BOC: variants seen among roughly 807,000 people sequenced by gnomAD.
The protein encoded by BOC is brother of CDO.
A neutral mutation model predicts 112.0 loss-of-function variants in BOC; 76 were observed. The observed-to-expected ratio is 0.68, with a 90% confidence interval of 0.56 to 0.82. BOC has a LOEUF of 0.82. Ranked by LOEUF, BOC falls within the 40% of genes least tolerant of loss-of-function variation. The pLI, the probability that BOC is intolerant of heterozygous loss-of-function variation, is 0.00. For missense variants in BOC, 1,309 were observed against 1,511.7 expected (o/e 0.87, Z 2.22); for synonymous variants, 580 against 599.8 (o/e 0.97, Z 0.48).
At chr3:113,266,943 T>C (rs1356050035) in intron 4 of BOC, among the ~76,000 whole-genome samples, 1 of 152,164 alleles carries the variant, frequency 6.6e-6, no homozygotes, top group Admixed American at 6.5e-5. Context: ...CCAGTTTGTT[T>C]TTGGTCATTA....
intron 2 of BOC, among the ~76,000 whole-genome samples, chr3:113,248,852 G>A (rs1945261519): frequency 6.6e-6 from 1 of 152,136 alleles, no homozygotes; most frequent in Non-Finnish European, 1.5e-5. Flanking sequence ...GGTGCAGTGT[G>A]GTCTGAGCCT....
chr3:113,229,497 AG>A (rs1942253695), intron 2 of BOC, among the ~76,000 whole-genome samples: 1 of 152,232 alleles, frequency 6.6e-6, no homozygotes, highest in African/African-American at 2.4e-5. Context: ...ACTATGGCTC[AG>A]GGACCTGTTT....
intron 2 of BOC, among the ~76,000 whole-genome samples, chr3:113,222,661 T>A (rs1392753382): frequency 6.6e-6 from 1 of 152,210 alleles, no homozygotes; most frequent in Non-Finnish European, 1.5e-5. Context: ...GTTGAACGTC[T>A]GCTTTGTGCA....
rs1221141056 is a variant in BOC at position 113,211,910 on chromosome 3, G to A, written c.-276G>A. ...CGTGTTGTGTGTCCCCGGTGTCACC[G>A]AGCGTGTTGTGTGTCCGTGCGGCGC... On this transcript the variant is annotated 5_prime_UTR_variant, in exon 1 of 20. Transcript: ENST00000682979. 1 of 152,100 alleles carries A rather than the reference G, an allele frequency of 6.6e-6. No homozygotes were observed. The highest frequency in any genetic ancestry group is 1.5e-5 in the Non-Finnish European group (1 of 68,030). 9.4% of individuals were successfully genotyped at this position (152,100 alleles called of 1,614,324 possible).
In BOC at chr3:113,274,838, AT is replaced by A. The variant is rs1309158627; in HGVS notation, c.1542+157del. 6.6e-6 allele frequency among the ~76,000 whole-genome samples: 1 copy of A among 152,110 alleles called. No individual in the cohort carries two copies. Among genetic ancestry groups the A allele is most frequent in the Non-Finnish European group, 1.5e-5 (1 of 68,002 alleles). ...GGCCCTTCTGTCTCCTCCAGTGTCC[AT>A]CCCTGCCACCTCCCAGGAAGCTGGT... is the stretch of plus-strand genomic sequence containing the variant. On this transcript the variant is annotated intron_variant, in intron 9 of 19. Coordinates refer to ENST00000682979, the MANE Select transcript of BOC (RefSeq NM_001378074.1). The surrounding 1 kb of genome is among the most constrained non-coding windows in gnomAD (Gnocchi z 4.8).
At chr3:113,286,571 C>T (rs1949718347) in intron 19 of BOC, 104 bp from the exon 20 acceptor site, 2 of 1,054,292 alleles carry the variant, frequency 1.9e-6, no homozygotes, top group Non-Finnish European at 2.7e-6. Context: ...TTTCCAGAGC[C>T]AGTGTAACCA....
rs573020611 is a variant in BOC, at chr3:113,243,881, A to C, written c.-81-5841A>C. ...TCAGTGAAAGTATTAAAGAATGCTA[A>C]AGTTGTTACAGGAGAATAATCACAA... On this transcript the variant is annotated intron_variant, in intron 2 of 19. Transcript: ENST00000682979. 9.2e-5 allele frequency among the ~76,000 whole-genome samples: 14 copies of C among 152,366 alleles called. No homozygotes were observed. In the South Asian group the frequency reaches 1.7e-3, roughly 18 times the overall value.
At chr3:113,237,214 G>A (rs1943682137) in intron 2 of BOC, among the ~76,000 whole-genome samples, 2 of 152,196 alleles carry the variant, frequency 1.3e-5, no homozygotes, top group African/African-American at 2.4e-5. Context: ...AAGATTAAAA[G>A]TGTTGGTGGA....
chr3:113,248,598 AT>A (rs1945230153), intron 2 of BOC, among the ~76,000 whole-genome samples: 1 of 152,162 alleles, frequency 6.6e-6, no homozygotes, highest in South Asian at 2.1e-4. Context: ...TTGATACCCC[AT>A]CCTTATTTGT....
At chr3:113,234,125 A>T (rs966456048) in intron 2 of BOC, among the ~76,000 whole-genome samples, 1 of 152,228 alleles carries the variant, frequency 6.6e-6, no homozygotes, top group African/African-American at 2.4e-5. Context: ...GTTACACTGC[A>T]GTGTGAAAAT....
Position 113,250,551 on chromosome 3 carries a change from C to A in BOC, c.98-4C>A, listed in dbSNP as rs1254801545. On this transcript the variant is annotated splice_polypyrimidine_tract_variant and splice_region_variant and intron_variant, in intron 3 of 19. Coordinates refer to ENST00000682979, the MANE Select transcript of BOC (RefSeq NM_001378074.1). ...TCATTGCTGCATCCCTGTTCTTCCT[C>A]CAGACGAGGTCCCTCAGGTCACCGT... 6.2e-7 allele frequency: 1 copy of A among 1,605,444 alleles called. No individual in the cohort carries two copies. The highest frequency in any genetic ancestry group is 8.5e-7 in the Non-Finnish European group (1 of 1,175,708).
At chr3:113,231,867 C>G (rs1255280861) in intron 2 of BOC, among the ~76,000 whole-genome samples, 1 of 152,146 alleles carries the variant, frequency 6.6e-6, no homozygotes, top group Non-Finnish European at 1.5e-5. Context: ...TACTGCACTC[C>G]TACTATGTGC....
At chr3:113,233,541 C>CA (rs2107730142) in intron 2 of BOC, among the ~76,000 whole-genome samples, 1 of 152,268 alleles carries the variant, frequency 6.6e-6, no homozygotes, top group South Asian at 2.1e-4. Context: ...TATGTGACTA[C>CA]AGTGCTCGCT....
In BOC at chr3:113,280,673, A is replaced by G; in HGVS notation, c.2311+10A>G. On this transcript the variant is annotated intron_variant, in intron 14 of 19. Coordinates refer to ENST00000682979, the MANE Select transcript of BOC (RefSeq NM_001378074.1). ...AAGGATATGGTGGAAGGTGAGACAC[A>G]GTTCTGTGTTTATAGCTTCTGCGTG... 1 of 1,572,466 alleles carries G rather than the reference A, an allele frequency of 6.4e-7. No homozygotes were observed. Among genetic ancestry groups the G allele is most frequent in the Non-Finnish European group, 8.8e-7 (1 of 1,142,050 alleles).
chr3:113,267,605 G>A (rs770097066), intron 4 of BOC, among the ~76,000 whole-genome samples: 6 of 152,194 alleles, frequency 3.9e-5, no homozygotes, highest in Non-Finnish European at 8.8e-5. Context: ...AGGATCCTCC[G>A]TGAAGTGGGG....
rs976185626 is a variant in BOC, at chr3:113,241,650, G to A, written c.-81-8072G>A. ...AATGAAACCGGGAAGGGGCAGTGGT[G>A]CCTTCAGCTATCTCACTGCATTACA... is the stretch of plus-strand genomic sequence containing the variant. On this transcript the variant is annotated intron_variant, in intron 2 of 19. Coordinates refer to ENST00000682979, the MANE Select transcript of BOC (RefSeq NM_001378074.1). 2.0e-4 allele frequency among the ~76,000 whole-genome samples: 30 copies of A among 152,214 alleles called. 1 individual carries two copies. The highest frequency in any genetic ancestry group is 7.3e-5 in the Non-Finnish European group (5 of 68,036).
intron 2 of BOC, among the ~76,000 whole-genome samples, chr3:113,217,964 C>T (rs1939790700): frequency 1.3e-5 from 2 of 152,152 alleles, no homozygotes; most frequent in African/African-American, 4.8e-5. Context: ...CTGAATTCAG[C>T]TTTTTACCTT....
intron 4 of BOC, among the ~76,000 whole-genome samples, chr3:113,264,396 A>G (rs1354465791): frequency 6.6e-6 from 1 of 152,224 alleles, no homozygotes; most frequent in Non-Finnish European, 1.5e-5. Context: ...TGTCCTGTCA[A>G]ACCATTTCCC....
At chr3:113,228,015 A>C (rs1941950382) in intron 2 of BOC, among the ~76,000 whole-genome samples, 2 of 152,234 alleles carry the variant, frequency 1.3e-5, no homozygotes, top group Non-Finnish European at 2.9e-5. Flanking sequence ...AAGTGAAAGG[A>C]AAGAGCATTG....
Sources: gnomAD v4.1 joint callset for allele counts (sites outside exome capture counted in the v4.1 genomes callset) on GRCh38, gnomAD v4.1.1 for gene constraint, Gnocchi (gnomAD v3.1) non-coding constraint, MANE v1.5 for transcripts, NCBI Gene and HGNC (gene_info 2026-07-23, HGNC 2026-07-21) for gene names.